The following CHAF1B variants were observed in gnomAD, a reference collection of about 807,000 sequenced individuals.
CHAF1B encodes the protein CAF-1 subunit B.
A neutral mutation model predicts 60.7 loss-of-function variants in CHAF1B; 10 were observed. That is an observed-to-expected ratio of 0.16 (90% CI 0.10 to 0.28). CHAF1B has a LOEUF of 0.28. Among genes scored for constraint, CHAF1B ranks in the 10% least tolerant of loss-of-function variants. The pLI is 1.00. For missense variants in CHAF1B, 558 were observed against 708.4 expected, an observed-to-expected ratio of 0.79 and a Z score of 2.41; for synonymous variants, 261 against 266.1, an observed-to-expected ratio of 0.98 and a Z score of 0.19.
intron 6 of CHAF1B, chr21:36,398,382 C>G (rs1278539123): frequency 6.6e-6 from 1 of 151,874 alleles, no homozygotes; most frequent in Non-Finnish European, 1.5e-5. Context: ...TTTTTTGAGA[C>G]AGAATCTCAC....
intron 3 of CHAF1B, among the ~76,000 whole-genome samples, chr21:36,391,102 C>T (rs2086082915): frequency 6.6e-6 from 1 of 152,108 alleles, no homozygotes; most frequent in Non-Finnish European, 1.5e-5. Context: ...ATAGGTTATG[C>T]CTTCAGATTT....
chr21:36,401,994 G>A lies in CHAF1B; in HGVS notation c.664-764G>A, dbSNP rs903948249. Among the ~76,000 whole-genome samples, 6 of 152,116 alleles carry A rather than the reference G, an allele frequency of 3.9e-5. No homozygotes were observed. In the South Asian group the frequency reaches 8.3e-4, roughly 21 times the overall value. On this transcript the variant is annotated intron_variant, in intron 7 of 13. Transcript: ENST00000314103. ...GGACTCAAGTGATCCGCCCGCCTTG[G>A]CCTCCCAAAGTGCTGGGATTACAGG...
At chr21:36,409,885 T>G (rs2146374884) in intron 10 of CHAF1B, among the ~76,000 whole-genome samples, 1 of 151,652 alleles carries the variant, frequency 6.6e-6, no homozygotes, top group African/African-American at 2.4e-5. Flanking sequence ...CTTCAGGATA[T>G]ATTTTCTTGC....
At chr21:36,391,076 T>C (rs77601541) in intron 3 of CHAF1B, among the ~76,000 whole-genome samples, 4,676 of 152,322 alleles carry the variant, frequency 0.031, 102 homozygotes, top group Admixed American at 0.047. Context: ...TGTTTTGTTT[T>C]TCTATTCAGC....
At chr21:36,393,750 G>A (rs1313605219) in intron 4 of CHAF1B, among the ~76,000 whole-genome samples, 1 of 152,008 alleles carries the variant, frequency 6.6e-6, no homozygotes, top group Non-Finnish European at 1.5e-5. Flanking sequence ...CACTGCGACC[G>A]GTCAGATATA....
At chr21:36,396,023 T>C (rs2086134608) in intron 5 of CHAF1B, among the ~76,000 whole-genome samples, 1 of 151,600 alleles carries the variant, frequency 6.6e-6, no homozygotes, top group African/African-American at 2.4e-5. Flanking sequence ...TTATTTTAGA[T>C]GGAGTCTCCC....
At chr21:36,395,027 G>C (rs980730533) in intron 5 of CHAF1B, among the ~76,000 whole-genome samples, 3 of 151,464 alleles carry the variant, frequency 2.0e-5, no homozygotes, top group Non-Finnish European at 4.4e-5. Context: ...CACTGCCCCT[G>C]GCCCTAACTT....
chr21:36,417,737 G>A lies in CHAF1B; in HGVS notation c.*1371G>A, dbSNP rs1261185349. The A allele has an allele frequency of 6.6e-6, 1 of 152,080 alleles. No individual in the cohort carries two copies. The highest frequency in any genetic ancestry group is 1.5e-5 in the Non-Finnish European group (1 of 68,034). The allele number at this position is 152,080 out of a possible 1,614,324, so 9.4% of individuals were successfully genotyped here. ...CCTCCCCAGCCTCCCAAAGTGTTGG[G>A]ATTACAGGCGTGAGACACCATGCCT... On this transcript the variant is annotated 3_prime_UTR_variant, in exon 14 of 14. Transcript: ENST00000314103.
intron 3 of CHAF1B, chr21:36,389,073 C>T (rs1357144051): frequency 6.6e-6 from 1 of 152,472 alleles, no homozygotes; most frequent in Admixed American, 6.5e-5. Context: ...CGCGTCGGTA[C>T]CCAGCTTGGC....
intron 8 of CHAF1B, among the ~76,000 whole-genome samples, chr21:36,405,957 T>TA (rs150742914): frequency 0.083 from 12,268 of 148,158 alleles, 857 homozygotes; most frequent in African/African-American, 0.2. Context: ...AAAGAAGTAT[T>TA]AAAAAAAAAA....
rs1452686376 is a variant in CHAF1B at position 36,385,546 on chromosome 21, G to C, written c.-78+95G>C. 4 of 151,884 alleles carry C rather than the reference G, an allele frequency of 2.6e-5. No individual in the cohort carries two copies. In the East Asian group the frequency reaches 7.8e-4, roughly 30 times the overall value. The allele number at this position is 151,884 out of a possible 1,614,324, so 9.4% of individuals were successfully genotyped here. The stretch of plus-strand genomic sequence containing the variant: ...CCGAGGGCGGGCCCCTGGGCCCCGG[G>C]ATAGCTCCGGAGCGGCGCGCGTTGG... On this transcript the variant is annotated intron_variant, in intron 1 of 13. Coordinates refer to ENST00000314103, the MANE Select transcript of CHAF1B (RefSeq NM_005441.3).
intron 8 of CHAF1B, among the ~76,000 whole-genome samples, chr21:36,403,775 C>T (rs1408252658): frequency 6.6e-6 from 1 of 152,188 alleles, no homozygotes; most frequent in Non-Finnish European, 1.5e-5. Flanking sequence ...CCACAGTGTT[C>T]TCAGAGGAGA....
chr21:36,406,058 C>T (rs1394492576), intron 8 of CHAF1B, among the ~76,000 whole-genome samples: 1 of 151,816 alleles, frequency 6.6e-6, no homozygotes, highest in East Asian at 1.9e-4. Flanking sequence ...TGCTATAGGA[C>T]CAAACAAATA....
chr21:36,409,679 G>A (rs1272332423), intron 10 of CHAF1B, among the ~76,000 whole-genome samples: 1 of 151,280 alleles, frequency 6.6e-6, no homozygotes, highest in East Asian at 1.9e-4. Flanking sequence ...TGTATTTTTG[G>A]TAGCGACAGC....
intron 7 of CHAF1B, among the ~76,000 whole-genome samples, chr21:36,401,083 A>G (rs2086183801): frequency 6.6e-6 from 1 of 152,046 alleles, no homozygotes; most frequent in Non-Finnish European, 1.5e-5. Flanking sequence ...CCTGGCTAAC[A>G]TGGTGAAACC....
At chr21:36,405,289 T>G (rs1369417651) in intron 8 of CHAF1B, among the ~76,000 whole-genome samples, 1 of 152,178 alleles carries the variant, frequency 6.6e-6, no homozygotes, top group Non-Finnish European at 1.5e-5. Flanking sequence ...AATAATTTGA[T>G]AAGATGGCTG....
chr21:36,387,660 T>C lies in CHAF1B; in HGVS notation c.189T>C (p.Ala63=). 1.2e-6 allele frequency: 2 copies of C among 1,614,220 alleles called. No individual in the cohort carries two copies. Among genetic ancestry groups the C allele is most frequent in the South Asian group, 1.1e-5 (1 of 91,088 alleles). The change falls in exon 3 of 14, where the codon GCT becomes GCC. Residue 63 remains alanine, a synonymous_variant. Coordinates refer to ENST00000314103, the MANE Select transcript of CHAF1B (RefSeq NM_005441.3). The stretch of plus-strand genomic sequence containing the variant: ...TCGTGGAATTTTTGTCCAATCTTGC[T>C]CGTCATACCAAAGCCGTCAATGTTG... The part of the protein sequence containing the change: ...KAIVEFLSNL[A]RHTKAVNVVR...
rs79012123 is a variant in CHAF1B at position 36,414,220 on chromosome 21, C to T, written c.1493+905C>T. On this transcript the variant is annotated intron_variant, in intron 12 of 13. Transcript: ENST00000314103. ...TATAGTTCCTTCTCCACCAAGCCCT[C>T]TGCCTCCCAACCTTCCCATAAACTG... Among the ~76,000 whole-genome samples, 1,004 of 152,336 alleles carry T rather than the reference C, an allele frequency of 6.6e-3. 15 individuals are homozygous for T. Among genetic ancestry groups the T allele is most frequent in the African/African-American group, 0.022 (927 of 41,572 alleles).
At chr21:36,398,615 C>T (rs1385488331) in intron 6 of CHAF1B, among the ~76,000 whole-genome samples, 1 of 152,126 alleles carries the variant, frequency 6.6e-6, no homozygotes, top group East Asian at 1.9e-4. Context: ...CTGCGTTGGC[C>T]TCCCAAAGTG....
Sources: gnomAD v4.1 joint callset for allele counts (sites outside exome capture counted in the v4.1 genomes callset) on GRCh38, gnomAD v4.1.1 for gene constraint, MANE v1.5 for transcripts, NCBI Gene and HGNC (gene_info 2026-07-23, HGNC 2026-07-21) for gene names.